Variants in UNC13C observed in about 807,000 individuals in gnomAD.
UNC13C encodes the protein protein unc-13 homolog C.
A neutral mutation model predicts 245.4 loss-of-function variants in UNC13C; 174 were observed. The ratio of observed to expected loss-of-function variants is 0.71; its 90% CI spans 0.63 to 0.80. The LOEUF (loss-of-function observed/expected upper bound fraction) is 0.80, where lower values mean the gene tolerates loss of function less well. UNC13C is among the 30% of genes least tolerant of loss of function. The pLI, the probability that UNC13C is intolerant of heterozygous loss-of-function variation, is 0.00. For missense variants in UNC13C, 2,829 were observed against 2,602.9 expected (o/e 1.09, Z -1.89); for synonymous variants, 992 against 895.1 (o/e 1.11, Z -1.93).
In UNC13C at chr15:54,201,534, C is replaced by T. The variant is rs150374425; in HGVS notation, c.3072-33496C>T. ...CATACTTAAGTCAATAAATATGATA[C>T]GCCACATAAACAGAATTGAAAACAA... On this transcript the variant is annotated intron_variant, in intron 4 of 32. Transcript: ENST00000260323. Among the ~76,000 whole-genome samples the T allele has an allele frequency of 4.4e-3, 672 of 151,682 alleles. 3 individuals carry two copies. Among genetic ancestry groups the T allele is most frequent in the African/African-American group, 0.014 (582 of 41,424 alleles).
intron 2 of UNC13C, among the ~76,000 whole-genome samples, chr15:54,142,262 T>G (rs745655977): frequency 1.3e-5 from 2 of 152,150 alleles, no homozygotes; most frequent in Non-Finnish European, 2.9e-5. Flanking sequence ...GCCCTATGAT[T>G]TATCTTGCAT....
At chr15:54,280,806 T>A (rs1442337715) in intron 10 of UNC13C, among the ~76,000 whole-genome samples, 1 of 149,718 alleles carries the variant, frequency 6.7e-6, no homozygotes, top group Non-Finnish European at 1.5e-5. Flanking sequence ...ATATACTTTT[T>A]AAAAAAATTG....
chr15:54,482,595 C>G (rs62022363), intron 19 of UNC13C, among the ~76,000 whole-genome samples: 1 of 151,616 alleles, frequency 6.6e-6, no homozygotes, highest in South Asian at 2.1e-4. Context: ...CTCAGAAGTT[C>G]TCTGTCTCTT....
chr15:54,454,435 G>A (rs139543050), intron 19 of UNC13C, among the ~76,000 whole-genome samples: 21,453 of 151,846 alleles, frequency 0.14, 1,551 homozygotes, highest in Non-Finnish European at 0.17. Flanking sequence ...AAAGTTAGCC[G>A]GGCGTGTTGG....
Position 54,338,502 on chromosome 15 carries a change from G to A in UNC13C, c.4713+13G>A. 1 of 1,611,122 alleles carries A rather than the reference G, an allele frequency of 6.2e-7. No homozygotes were observed. The highest frequency in any genetic ancestry group is 8.5e-7 in the Non-Finnish European group (1 of 1,177,846). ...GCTAACAGACCCGGTAAGAAAATAT[G>A]TATGTCTTTTATAATCGCCACTTTT... On this transcript the variant is annotated intron_variant, in intron 17 of 32. Coordinates refer to ENST00000260323, the MANE Select transcript of UNC13C (RefSeq NM_001080534.3).
chr15:53,894,676 C>G, the UNC13C span, among the ~76,000 whole-genome samples: 1 of 152,050 alleles, frequency 6.6e-6, no homozygotes, highest in Non-Finnish European at 1.5e-5. Context: ...GAAATAGACC[C>G]CCATTTATTT....
At chr15:54,135,975 G>T (rs944070615) in intron 2 of UNC13C, among the ~76,000 whole-genome samples, 1 of 152,020 alleles carries the variant, frequency 6.6e-6, no homozygotes, top group Non-Finnish European at 1.5e-5. Flanking sequence ...TTCCAGTGCA[G>T]GCACACTGAA....
intron 4 of UNC13C, among the ~76,000 whole-genome samples, chr15:54,190,977 A>T (rs1451727024): frequency 6.6e-6 from 1 of 152,084 alleles, no homozygotes; most frequent in Non-Finnish European, 1.5e-5. Flanking sequence ...ACTTTCCGTA[A>T]TAAGCAATGA....
intron 18 of UNC13C, among the ~76,000 whole-genome samples, chr15:54,400,877 T>G (rs2140929032): frequency 6.6e-6 from 1 of 152,194 alleles, no homozygotes; most frequent in South Asian, 2.1e-4. Context: ...ATTCGGTATG[T>G]CTCCTAATGT....
intron 2 of UNC13C, 37 bp from the exon 3 acceptor site, chr15:54,142,981 C>G (rs747078712): frequency 6.3e-7 from 1 of 1,598,936 alleles, no homozygotes; most frequent in Admixed American, 1.7e-5. Context: ...AGTACTCCAT[C>G]TAACATTTAT....
chr15:54,042,650 G>A (rs181344140), intron 2 of UNC13C, among the ~76,000 whole-genome samples: 113 of 152,182 alleles, frequency 7.4e-4, no homozygotes, highest in African/African-American at 2.5e-3. Flanking sequence ...TCAGGAGATC[G>A]AGACCATCCT....
chr15:54,352,305 TA>T (rs1162317582), intron 17 of UNC13C, among the ~76,000 whole-genome samples: 4 of 142,710 alleles, frequency 2.8e-5, no homozygotes, highest in Non-Finnish European at 4.5e-5. Flanking sequence ...TTTATATAAT[TA>T]ATATATATTT....
At chr15:53,838,852 GGA>G in the UNC13C span, among the ~76,000 whole-genome samples, 1 of 151,928 alleles carries the variant, frequency 6.6e-6, no homozygotes, top group African/African-American at 2.4e-5. Flanking sequence ...ATTTTATGGA[GGA>G]GAGAGAGTTG....
chr15:53,973,546 G>A (rs867390605), upstream of UNC13C, among the ~76,000 whole-genome samples: 14 of 151,438 alleles, frequency 9.2e-5, no homozygotes, highest in Admixed American at 3.3e-4. Flanking sequence ...CTTCAATGCT[G>A]TGCCATATCA....
At chr15:54,216,176 A>G (rs951272007) in intron 4 of UNC13C, among the ~76,000 whole-genome samples, 1 of 152,018 alleles carries the variant, frequency 6.6e-6, no homozygotes, top group Non-Finnish European at 1.5e-5. Flanking sequence ...ACAGGACTGC[A>G]GCGAAAGCCT....
At chr15:53,978,393 G>C (rs911794359), upstream of UNC13C, among the ~76,000 whole-genome samples, 1 of 152,178 alleles carries the variant, frequency 6.6e-6, no homozygotes, top group African/African-American at 2.4e-5. Context: ...GGGAGCCCGG[G>C]CGCTCTCGGT....
At chr15:54,011,736 A>G (rs1283717522) in intron 1 of UNC13C, among the ~76,000 whole-genome samples, 2 of 152,122 alleles carry the variant, frequency 1.3e-5, no homozygotes, top group Non-Finnish European at 2.9e-5. Flanking sequence ...CTTTCGCTCC[A>G]TCTTTTCTCC....
intron 2 of UNC13C, among the ~76,000 whole-genome samples, chr15:54,060,288 C>A (rs1466825975): frequency 6.6e-6 from 1 of 152,034 alleles, no homozygotes; most frequent in Non-Finnish European, 1.5e-5. Flanking sequence ...ACAAACAACC[C>A]CATCAAAAAG....
At chr15:54,160,780 C>G (rs1387555848) in intron 4 of UNC13C, among the ~76,000 whole-genome samples, 1 of 151,876 alleles carries the variant, frequency 6.6e-6, no homozygotes, top group Non-Finnish European at 1.5e-5. Context: ...ACATAGAAAG[C>G]AAATATTTTT....
Sources: allele counts gnomAD v4.1 joint callset (sites outside exome capture counted in the v4.1 genomes callset), GRCh38; gene constraint gnomAD v4.1.1; transcripts MANE v1.5; gene names NCBI Gene and HGNC (gene_info 2026-07-23, HGNC 2026-07-21).